The following NLN variants were observed in gnomAD, a reference collection of about 807,000 sequenced individuals.
NLN encodes neurolysin, also known as neurolysin, mitochondrial.
NLN carries 64 observed loss-of-function variants against 79.9 expected under a neutral mutation model. That is an observed-to-expected ratio of 0.80 (90% CI 0.65 to 0.99). The LOEUF is 0.99. Ranked by LOEUF, NLN falls within the 50% of genes least tolerant of loss-of-function variation. The pLI is 0.00. For missense variants in NLN, 835 were observed against 858.7 expected, an observed-to-expected ratio of 0.97 and a Z score of 0.34; for synonymous variants, 267 against 296.6, an observed-to-expected ratio of 0.90 and a Z score of 1.02.
rs1759581107 is a variant in NLN, at chr5:65,772,058, T to C, written c.451-5369T>C. On this transcript the variant is annotated intron_variant, in intron 3 of 12. Transcript: ENST00000380985. The stretch of plus-strand genomic sequence containing the variant: ...TTTTGAAATATGTAAGTGTAGTCAT[T>C]GGTCATAATCAATACTACTAAACTT... 1.3e-5 allele frequency among the ~76,000 whole-genome samples: 2 copies of C among 152,128 alleles called. 1 individual carries two copies. Among genetic ancestry groups the C allele is most frequent in the Admixed American group, 1.3e-4 (2 of 15,262 alleles).
intron 6 of NLN, among the ~76,000 whole-genome samples, chr5:65,782,509 A>G (rs1455297702): frequency 1.3e-5 from 2 of 152,140 alleles, no homozygotes; most frequent in African/African-American, 4.8e-5. Context: ...GAATTTATCC[A>G]TCTCACTCTT....
Position 65,762,983 on chromosome 5 carries a change from C to T in NLN, c.325C>T (p.Pro109Ser). ...AGTGGAAAGGACCATGCTAGACTTT[C>T]CCCAGCATGTATCCTCTGACAAAGA... ...YIVERTMLDF[P>S]QHVSSDKEVR... The change falls in exon 3 of 13, where the codon CCC becomes TCC. Residue 109 changes from proline (P) to serine (S), a missense_variant. Physicochemically the swap from Pro to Ser is moderately conservative, Grantham distance 74. Transcript: ENST00000380985. 6.2e-7 allele frequency: 1 copy of T among 1,613,870 alleles called. No individual in the cohort carries two copies. Among genetic ancestry groups the T allele is most frequent in the Non-Finnish European group, 8.5e-7 (1 of 1,179,880 alleles).
intron 1 of NLN, among the ~76,000 whole-genome samples, chr5:65,739,260 T>G (rs1758821286): frequency 6.6e-6 from 1 of 151,190 alleles, no homozygotes. Context: ...CACATATGAG[T>G]GAGATCATGC....
chr5:65,790,902 A>C (rs1332288915), intron 8 of NLN, among the ~76,000 whole-genome samples: 10 of 152,160 alleles, frequency 6.6e-5, no homozygotes, highest in Admixed American at 6.5e-4. Flanking sequence ...TTGCTACCTC[A>C]TTCTGCTGTC....
At chr5:65,744,162 G>A (rs74794236) in intron 1 of NLN, among the ~76,000 whole-genome samples, 2,190 of 152,270 alleles carry the variant, frequency 0.014, 26 homozygotes, top group Non-Finnish European at 0.022. Context: ...TCAAGTGAGC[G>A]TCCCAAGTAG....
At chr5:65,748,737 A>G (rs1283140531) in intron 1 of NLN, among the ~76,000 whole-genome samples, 2 of 152,212 alleles carry the variant, frequency 1.3e-5, no homozygotes, top group African/African-American at 4.8e-5. Flanking sequence ...TGGGCAACAG[A>G]ACGAGACCCT....
intron 1 of NLN, among the ~76,000 whole-genome samples, chr5:65,728,691 T>C (rs1163525104): frequency 2.6e-5 from 4 of 152,206 alleles, no homozygotes; most frequent in African/African-American, 7.2e-5. Context: ...TTTTCATACA[T>C]TTTTGGAAGG....
chr5:65,777,325 T>C, intron 3 of NLN, 102 bp from the exon 4 acceptor site: 1 of 798,400 alleles, frequency 1.3e-6, no homozygotes, highest in Non-Finnish European at 2.2e-6. Flanking sequence ...ATGTGCTTCA[T>C]AACCCAACGG....
chr5:65,784,267 A>G (rs1350391576), intron 6 of NLN, among the ~76,000 whole-genome samples: 4 of 124,614 alleles, frequency 3.2e-5, no homozygotes. Flanking sequence ...TTCATTGCTA[A>G]GAAAATAATA....
chr5:65,810,022 T>G lies in NLN; in HGVS notation c.1715-15T>G. 1 of 1,612,802 alleles carries G rather than the reference T, an allele frequency of 6.2e-7. No homozygotes were observed. The highest frequency in any genetic ancestry group is 8.5e-7 in the Non-Finnish European group (1 of 1,179,354). On this transcript the variant is annotated splice_polypyrimidine_tract_variant and intron_variant, in intron 10 of 12. Transcript: ENST00000380985. ...GTCTTCTTCAAAACATGCCCAAACA[T>G]TCTTATGTTATTAGGTCTTCTGACC...
rs1008418696 is a variant in NLN, at chr5:65,826,732, C to T, written c.*3817C>T. The T allele has an allele frequency of 6.6e-6, 1 of 152,172 alleles. No individual in the cohort carries two copies. The highest frequency in any genetic ancestry group is 2.4e-5 in the African/African-American group (1 of 41,412). 9.4% of individuals were successfully genotyped at this position (152,172 alleles called of 1,614,324 possible). On this transcript the variant is annotated 3_prime_UTR_variant, in exon 13 of 13. Transcript: ENST00000380985. ...CCAGCCTGAGCAACACAGTGAGACC[C>T]TGTCTCTACAAAAACTAAAAAAATT...
intron 12 of NLN, among the ~76,000 whole-genome samples, chr5:65,813,530 T>C (rs1324432165): frequency 6.6e-6 from 1 of 152,102 alleles, no homozygotes; most frequent in African/African-American, 2.4e-5. Context: ...TGGACCCCAG[T>C]GTTCTCTGTG....
At chr5:65,774,383 AAGGG>A (rs2150753768) in intron 3 of NLN, among the ~76,000 whole-genome samples, 1 of 152,302 alleles carries the variant, frequency 6.6e-6, no homozygotes, top group South Asian at 2.1e-4. Context: ...GCTGAGATTC[AAGGG>A]GAGAAATTTT....
chr5:65,736,891 G>A (rs747200109), intron 1 of NLN, among the ~76,000 whole-genome samples: 14 of 151,920 alleles, frequency 9.2e-5, no homozygotes, highest in Admixed American at 3.9e-4. Flanking sequence ...ACTTAAGCCC[G>A]GAAGTTTGAC....
intron 11 of NLN, 102 bp from the exon 12 acceptor site, chr5:65,812,153 C>G (rs1320823494): frequency 1.1e-6 from 1 of 909,518 alleles, no homozygotes. Flanking sequence ...CATTCATTCT[C>G]TCCTCCCACA....
In NLN at chr5:65,827,745, G is replaced by C. The variant is rs1161312228; in HGVS notation, c.*4830G>C. 1 of 152,218 alleles carries C rather than the reference G, an allele frequency of 6.6e-6. No homozygotes were observed. The highest frequency in any genetic ancestry group is 2.1e-4 in the South Asian group (1 of 4,832). 9.4% of individuals were successfully genotyped at this position (152,218 alleles called of 1,614,324 possible). A position where few individuals can be genotyped will look rare whatever the true frequency, so the allele number is the denominator to read the frequency against. On this transcript the variant is annotated 3_prime_UTR_variant, in exon 13 of 13. Coordinates refer to ENST00000380985, the MANE Select transcript of NLN (RefSeq NM_020726.5). The stretch of plus-strand genomic sequence containing the variant: ...ATCTAAAATTATTTTGGCCGGGCAA[G>C]GTGGGTCACGCCTGTAATCTCAGCA...
Position 65,773,690 on chromosome 5 carries a change from C to T in NLN, c.451-3737C>T, listed in dbSNP as rs566235761. On this transcript the variant is annotated intron_variant, in intron 3 of 12. Coordinates refer to ENST00000380985, the MANE Select transcript of NLN (RefSeq NM_020726.5). ...AGGCACAGTGGCTCATGTCTGTAAT[C>T]CCAGCAGGTTGGGAAGCCGAGGCAG... 2.4e-4 allele frequency among the ~76,000 whole-genome samples: 37 copies of T among 152,234 alleles called. No individual in the cohort carries two copies. In the East Asian group the frequency reaches 6.0e-3, roughly 25 times the overall value.
At chr5:65,738,902 G>A (rs1758795695) in intron 1 of NLN, among the ~76,000 whole-genome samples, 1 of 144,714 alleles carries the variant, frequency 6.9e-6, no homozygotes, top group African/African-American at 2.6e-5. Flanking sequence ...GATCACAGGT[G>A]CGTGCCACCT....
intron 5 of NLN, 43 bp downstream of exon 5, chr5:65,780,324 C>A: frequency 1.4e-6 from 1 of 740,684 alleles, no homozygotes; most frequent in Non-Finnish European, 2.3e-6. Context: ...ATAATTTAGG[C>A]AAATAGTGTT....
Sources: allele counts gnomAD v4.1 joint callset (sites outside exome capture counted in the v4.1 genomes callset), GRCh38; gene constraint gnomAD v4.1.1; transcripts MANE v1.5; gene names NCBI Gene and HGNC (gene_info 2026-07-23, HGNC 2026-07-21).